The following SNTG1 variants were observed in gnomAD, a reference collection of about 807,000 sequenced individuals.
SNTG1 encodes the protein syntrophin gamma 1, also known as gamma-1-syntrophin.
Under a neutral mutation model 74.7 loss-of-function variants are expected in SNTG1, and 39 were observed. The ratio of observed to expected loss-of-function variants is 0.52; its 90% CI spans 0.40 to 0.68. The LOEUF (loss-of-function observed/expected upper bound fraction) is 0.68, where lower values mean the gene tolerates loss of function less well. Ranked by LOEUF, SNTG1 falls within the 30% of genes least tolerant of loss-of-function variation. The pLI is 0.00. For missense variants in SNTG1, 685 were observed against 609.5 expected (o/e 1.12, Z -1.30); for synonymous variants, 254 against 217.1 (o/e 1.17, Z -1.49).
At chr8:50,251,017 G>A (rs1288330007) in intron 2 of SNTG1, among the ~76,000 whole-genome samples, 1 of 151,800 alleles carries the variant, frequency 6.6e-6, no homozygotes, top group African/African-American at 2.4e-5. Flanking sequence ...ACCAACAGCT[G>A]CAATTAATGA....
rs531275158 is a variant in SNTG1, at chr8:50,574,857, T to TA, written c.811-16021dup. Among the ~76,000 whole-genome samples the TA allele has an allele frequency of 1.5e-3, 233 of 152,326 alleles. 2 individuals carry two copies. Among genetic ancestry groups the TA allele is most frequent in the African/African-American group, 5.1e-3 (211 of 41,572 alleles). On this transcript the variant is annotated intron_variant, in intron 12 of 18. Coordinates refer to ENST00000642720, the MANE Select transcript of SNTG1 (RefSeq NM_018967.5). ...ATTTGCATAAGAACATGAATTTTTT[T>TA]ATTCTCATGAACCTAGCTTGACTTT...
At chr8:50,033,586 G>A (rs1412742578) in intron 1 of SNTG1, among the ~76,000 whole-genome samples, 1 of 152,146 alleles carries the variant, frequency 6.6e-6, no homozygotes, top group African/African-American at 2.4e-5. Flanking sequence ...GTAGCAGGAT[G>A]GATTTCCTCT....
chr8:49,934,722 G>A (rs972467243), intron 1 of SNTG1, among the ~76,000 whole-genome samples: 4 of 152,130 alleles, frequency 2.6e-5, no homozygotes, highest in African/African-American at 4.8e-5. Context: ...GCAAATATAA[G>A]AGCAACATGT....
intron 2 of SNTG1, among the ~76,000 whole-genome samples, chr8:50,261,170 C>G (rs993090084): frequency 6.6e-6 from 1 of 152,078 alleles, no homozygotes; most frequent in Non-Finnish European, 1.5e-5. Flanking sequence ...GGGGTGACAA[C>G]CTTATCTGCA....
chr8:50,738,191 G>A (rs75595351), intron 17 of SNTG1, among the ~76,000 whole-genome samples: 6,901 of 152,204 alleles, frequency 0.045, 258 homozygotes, highest in African/African-American at 0.1. Context: ...TCCTTAAGCT[G>A]AGAAGCAACT....
intron 2 of SNTG1, among the ~76,000 whole-genome samples, chr8:50,273,382 G>C (rs2087898063): frequency 6.6e-6 from 1 of 152,066 alleles, no homozygotes; most frequent in Non-Finnish European, 1.5e-5. Flanking sequence ...ACATTGATGT[G>C]GCATCTATAA....
intron 12 of SNTG1, among the ~76,000 whole-genome samples, chr8:50,577,761 T>G (rs1485708427): frequency 1.3e-5 from 2 of 152,332 alleles, no homozygotes; most frequent in Non-Finnish European, 2.9e-5. Flanking sequence ...ATTGTTGCAC[T>G]GCTGTTCTTT....
chr8:50,127,373 TA>T (rs1323918072), intron 1 of SNTG1, among the ~76,000 whole-genome samples: 1 of 152,112 alleles, frequency 6.6e-6, no homozygotes, highest in Non-Finnish European at 1.5e-5. Flanking sequence ...TTAGCAATAG[TA>T]AAAACAGTGC....
chr8:50,759,938 G>A (rs144578761), intron 18 of SNTG1, among the ~76,000 whole-genome samples: 76 of 152,040 alleles, frequency 5.0e-4, no homozygotes, highest in African/African-American at 1.8e-3. Context: ...CTTTGGGCAT[G>A]TGGCCATTTT....
intron 3 of SNTG1, among the ~76,000 whole-genome samples, chr8:50,396,165 G>C (rs1324792525): frequency 6.6e-6 from 1 of 152,142 alleles, no homozygotes; most frequent in Admixed American, 6.5e-5. Context: ...TTGTAAATTA[G>C]TAATCCTTAG....
intron 18 of SNTG1, among the ~76,000 whole-genome samples, chr8:50,760,013 A>G (rs1342639496): frequency 6.6e-6 from 1 of 152,044 alleles, no homozygotes; most frequent in Non-Finnish European, 1.5e-5. Flanking sequence ...GTCCTCTCTT[A>G]TTCCCTCGAG....
intron 2 of SNTG1, among the ~76,000 whole-genome samples, chr8:50,346,723 A>G (rs1587244211): frequency 6.6e-6 from 1 of 152,282 alleles, no homozygotes; most frequent in African/African-American, 2.4e-5. Context: ...AATCTTAAGA[A>G]AATGGAAGAA....
At chr8:50,112,725 G>A (rs527327269) in intron 1 of SNTG1, among the ~76,000 whole-genome samples, 3 of 152,010 alleles carry the variant, frequency 2.0e-5, no homozygotes, top group South Asian at 2.1e-4. Flanking sequence ...GTTTCGCCAT[G>A]TTGGCCAGGC....
At chr8:50,484,137 C>CCTTCTTTCT (rs2093766134) in intron 8 of SNTG1, among the ~76,000 whole-genome samples, 15 of 55,888 alleles carry the variant, frequency 2.7e-4, no homozygotes, top group Non-Finnish European at 5.5e-4. Context: ...TCTTTCTTTC[C>CCTTCTTTCT]TTCTTTCTTT....
intron 17 of SNTG1, among the ~76,000 whole-genome samples, chr8:50,734,963 ATCCATATATATCTATCCATATATATG>A (rs2095524424): frequency 1.6e-5 from 1 of 60,632 alleles, no homozygotes; most frequent in Non-Finnish European, 2.9e-5. Flanking sequence ...ATATCTATAT[ATCCATATATATCTATCCATATATATG>A]TCCATATATA....
At chr8:50,792,625 G>A (rs962670654) in intron 18 of SNTG1, 46 bp from the exon 19 acceptor site, 7 of 1,523,382 alleles carry the variant, frequency 4.6e-6, no homozygotes, top group Admixed American at 4.2e-5. Flanking sequence ...AATTTTTAAA[G>A]ACATTAATTT....
intron 18 of SNTG1, among the ~76,000 whole-genome samples, chr8:50,755,482 AAC>A (rs371642630): frequency 1.4e-4 from 21 of 151,952 alleles, no homozygotes; most frequent in Non-Finnish European, 2.9e-4. Context: ...CTGAATGTAC[AAC>A]AGTTTATTTA....
chr8:50,725,223 G>T (rs1317945892), intron 17 of SNTG1, among the ~76,000 whole-genome samples: 2 of 152,108 alleles, frequency 1.3e-5, no homozygotes, highest in Non-Finnish European at 2.9e-5. Flanking sequence ...TGTATTTCAA[G>T]CATATGCTAA....
intron 2 of SNTG1, among the ~76,000 whole-genome samples, chr8:50,220,812 C>A (rs2085027548): frequency 6.6e-6 from 1 of 152,144 alleles, no homozygotes; most frequent in Non-Finnish European, 1.5e-5. Context: ...TTCTATTTCC[C>A]AATAAAGATA....
Sources: allele counts gnomAD v4.1 joint callset (sites outside exome capture counted in the v4.1 genomes callset), GRCh38; gene constraint gnomAD v4.1.1; transcripts MANE v1.5; gene names NCBI Gene and HGNC (gene_info 2026-07-23, HGNC 2026-07-21).